The following CTNNA3 variants were observed in gnomAD, a reference collection of about 807,000 sequenced individuals.
The protein encoded by CTNNA3 is catenin alpha 3, also known as catenin alpha-3.
Under a neutral mutation model 95.7 loss-of-function variants are expected in CTNNA3, and 76 were observed. That is an observed-to-expected ratio of 0.79 (90% CI 0.66 to 0.96). CTNNA3 has a LOEUF of 0.96. CTNNA3 is among the 40% of genes least tolerant of loss of function. The pLI is 0.00. For synonymous variants in CTNNA3, 431 were observed against 374.4 expected, an observed-to-expected ratio of 1.15 and a Z score of -1.74; for missense variants, 1,191 against 1,089.8, an observed-to-expected ratio of 1.09 and a Z score of -1.31.
intron 9 of CTNNA3, among the ~76,000 whole-genome samples, chr10:66,711,941 T>C (rs2132608656): frequency 6.6e-6 from 1 of 152,252 alleles, no homozygotes; most frequent in South Asian, 2.1e-4. Context: ...TTTTACTCTT[T>C]CTTTTTGCCT....
intron 9 of CTNNA3, among the ~76,000 whole-genome samples, chr10:66,733,918 A>C (rs541233812): frequency 1.3e-5 from 2 of 151,930 alleles, no homozygotes; most frequent in South Asian, 4.2e-4. Flanking sequence ...GTACATATTA[A>C]AAATATGAAC....
intron 11 of CTNNA3, among the ~76,000 whole-genome samples, chr10:66,462,053 ACCCACCTCGTCCC>A (rs570457536): frequency 6.6e-6 from 1 of 151,768 alleles, no homozygotes; most frequent in Admixed American, 6.6e-5. Context: ...CTTGTGATCC[ACCCACCTCGTCCC>A]CCCAAAGTGC....
At chr10:65,937,474 C>T (rs2077360293) in intron 17 of CTNNA3, among the ~76,000 whole-genome samples, 1 of 152,084 alleles carries the variant, frequency 6.6e-6, no homozygotes, top group African/African-American at 2.4e-5. Context: ...TAGATGTTTG[C>T]CTTTCTTCCA....
At chr10:66,343,853 G>T (rs931799937) in intron 12 of CTNNA3, among the ~76,000 whole-genome samples, 1 of 151,746 alleles carries the variant, frequency 6.6e-6, no homozygotes, top group Admixed American at 6.6e-5. Flanking sequence ...ATTATTATTT[G>T]TCAATTAAAT....
intron 1 of CTNNA3, among the ~76,000 whole-genome samples, chr10:67,676,428 G>A (rs1279773969): frequency 6.6e-6 from 1 of 152,016 alleles, no homozygotes; most frequent in Non-Finnish European, 1.5e-5. Context: ...GTAATAGCAG[G>A]GTCCACTTCA....
chr10:66,759,893 G>C (rs1839534175), intron 9 of CTNNA3, among the ~76,000 whole-genome samples: 1 of 152,098 alleles, frequency 6.6e-6, no homozygotes, highest in Non-Finnish European at 1.5e-5. Context: ...ATTAAAACCA[G>C]TTTACCTGTT....
chr10:65,938,976 C>G (rs2077385799), intron 17 of CTNNA3, among the ~76,000 whole-genome samples: 1 of 151,882 alleles, frequency 6.6e-6, no homozygotes, highest in East Asian at 2.0e-4. Context: ...GATCTCGGCT[C>G]ACTGCAAGCT....
At chr10:66,631,823 T>C (rs1360830249) in intron 9 of CTNNA3, among the ~76,000 whole-genome samples, 2 of 152,112 alleles carry the variant, frequency 1.3e-5, no homozygotes, top group African/African-American at 2.4e-5. Context: ...GGTCTCAAAA[T>C]TGTCTACCTA....
In CTNNA3 at chr10:66,189,081, T is replaced by A. The variant is rs1044452517; in HGVS notation, c.1885-85832A>T. On this transcript the variant is annotated intron_variant, in intron 13 of 17. Coordinates refer to ENST00000433211, the MANE Select transcript of CTNNA3 (RefSeq NM_013266.4). ...CTTTTTAAATTAGGTTTTTCATTTT[T>A]ATTGCTATCAAGTTGGATAATTCCC... 2.0e-5 allele frequency among the ~76,000 whole-genome samples: 3 copies of A among 152,266 alleles called. No homozygotes were observed. The East Asian group carries it at 5.8e-4, about 29-fold the overall frequency.
chr10:67,435,669 T>C (rs572550063), intron 5 of CTNNA3, among the ~76,000 whole-genome samples: 8 of 152,082 alleles, frequency 5.3e-5, no homozygotes, highest in South Asian at 2.1e-4. Context: ...AGCTCTTCTA[T>C]ATACTAACAG....
chr10:66,481,706 C>T (rs1306949469), intron 11 of CTNNA3, among the ~76,000 whole-genome samples: 1 of 134,354 alleles, frequency 7.4e-6, no homozygotes, highest in African/African-American at 3.5e-5. Context: ...CTCCTGACCT[C>T]GTGATCCACC....
At chr10:66,928,681 G>A in intron 7 of CTNNA3, among the ~76,000 whole-genome samples, 1 of 152,116 alleles carries the variant, frequency 6.6e-6, no homozygotes. Context: ...TCAATGTGAA[G>A]CTTGAACTCC....
At chr10:66,123,984 T>C (rs10822726) in intron 13 of CTNNA3, among the ~76,000 whole-genome samples, 25,743 of 152,004 alleles carry the variant, frequency 0.17, 2,622 homozygotes, top group South Asian at 0.38. Flanking sequence ...CTGGAGACAT[T>C]ATCCCCATTG....
intron 14 of CTNNA3, among the ~76,000 whole-genome samples, chr10:66,079,519 A>G (rs1242126890): frequency 1.3e-5 from 2 of 151,962 alleles, no homozygotes; most frequent in Non-Finnish European, 2.9e-5. Context: ...ATTACTATGT[A>G]TGTATTAAAT....
intron 7 of CTNNA3, among the ~76,000 whole-genome samples, chr10:66,979,069 A>T (rs1380758488): frequency 6.9e-6 from 1 of 145,210 alleles, no homozygotes; most frequent in Admixed American, 7.4e-5. Context: ...GGCTCAAGAG[A>T]TTCTCCTGCC....
intron 12 of CTNNA3, among the ~76,000 whole-genome samples, chr10:66,304,134 C>T (rs1269196178): frequency 2.6e-5 from 4 of 151,958 alleles, no homozygotes; most frequent in African/African-American, 7.2e-5. Context: ...ATAGGACAAA[C>T]ATATTGGGGG....
chr10:66,405,711 A>G (rs1467024730), intron 11 of CTNNA3, among the ~76,000 whole-genome samples: 1 of 152,214 alleles, frequency 6.6e-6, no homozygotes. Flanking sequence ...GCCATACATC[A>G]TAATGTACTT....
rs569694429 is a variant in CTNNA3, at chr10:66,154,719, CATATATAT to C, written c.1885-51478_1885-51471del. ...TCTCTCTCTACTTTTTGAAAAAGTT[CATATATAT>C]ATATATATATATATTTCCCTTGAAC... On this transcript the variant is annotated intron_variant, in intron 13 of 17. Transcript: ENST00000433211. 5.3e-4 allele frequency among the ~76,000 whole-genome samples: 40 copies of C among 74,814 alleles called. 2 individuals carry two copies. Among genetic ancestry groups the C allele is most frequent in the Non-Finnish European group, 9.0e-4 (37 of 41,048 alleles). 49.1% of individuals were successfully genotyped at this position (74,814 alleles called of 152,430 possible). A position where few individuals can be genotyped will look rare whatever the true frequency, so the allele number is the denominator to read the frequency against.
intron 11 of CTNNA3, among the ~76,000 whole-genome samples, chr10:66,411,313 T>C (rs2093103742): frequency 1.3e-5 from 2 of 152,174 alleles, no homozygotes; most frequent in African/African-American, 4.8e-5. Context: ...TCTAAATGCT[T>C]ACTGTAATGG....
Sources: gnomAD v4.1 joint callset for allele counts (sites outside exome capture counted in the v4.1 genomes callset) on GRCh38, gnomAD v4.1.1 for gene constraint, MANE v1.5 for transcripts, NCBI Gene and HGNC (gene_info 2026-07-23, HGNC 2026-07-21) for gene names.